ZNF324B: variants seen among roughly 807,000 people sequenced by gnomAD.
The protein encoded by ZNF324B is zinc finger protein 324B.
In ZNF324B, 7 loss-of-function variants were observed where a neutral mutation model predicts 10.6. The ratio of observed to expected loss-of-function variants is 0.66; its 90% CI spans 0.38 to 1.24. The LOEUF is 1.24. ZNF324B is among the 50% of genes most tolerant of loss of function. The pLI, the probability that ZNF324B is intolerant of heterozygous loss-of-function variation, is 0.02. For missense variants in ZNF324B, 640 were observed against 764.7 expected, an observed-to-expected ratio of 0.84 and a Z score of 1.92; for synonymous variants, 316 against 321.0, an observed-to-expected ratio of 0.98 and a Z score of 0.17.
the ZNF324B span, among the ~76,000 whole-genome samples, chr19:58,427,317 T>TTCTTTCTTTCTG: frequency 1.2e-5 from 1 of 84,958 alleles, no homozygotes; most frequent in Non-Finnish European, 2.0e-5. Context: ...CTTTCTTTCT[T>TTCTTTCTTTCTG]TCTTTCTTTC....
At chr19:58,427,383 T>TTTCTTTCTTTCCTTCC in the ZNF324B span, among the ~76,000 whole-genome samples, 1 of 47,216 alleles carries the variant, frequency 2.1e-5, no homozygotes, top group African/African-American at 1.0e-4. Context: ...TCTTTCTTTC[T>TTTCTTTCTTTCCTTCC]TTCTTTCTTT....
At chr19:58,454,496 TTAG>T (rs2052893930) in intron 3 of ZNF324B, 152 bp downstream of exon 3, 1 of 622,314 alleles carries the variant, frequency 1.6e-6, no homozygotes, top group African/African-American at 1.8e-5. Flanking sequence ...GGCTGCTGCC[TTAG>T]TAGGTGCCCT....
At chr19:58,445,636 C>CA in the ZNF324B span, 1 of 374,312 alleles carries the variant, frequency 2.7e-6, no homozygotes, top group South Asian at 2.1e-5. Context: ...GCTAACATGG[C>CA]AAACCCCCTC....
the ZNF324B span, among the ~76,000 whole-genome samples, chr19:58,439,527 G>A: frequency 6.6e-6 from 1 of 152,234 alleles, no homozygotes; most frequent in Non-Finnish European, 1.5e-5. Flanking sequence ...CCCTGGGACA[G>A]CCTTCCAGAT....
chr19:58,427,502 CTT>C, the ZNF324B span, among the ~76,000 whole-genome samples: 322 of 98,880 alleles, frequency 3.3e-3, 5 homozygotes, highest in African/African-American at 0.014. Flanking sequence ...TCCTTTCTTT[CTT>C]TTTCTTTCTT....
the ZNF324B span, chr19:58,419,262 T>G: frequency 6.6e-6 from 1 of 152,216 alleles, no homozygotes; most frequent in Non-Finnish European, 1.5e-5. Flanking sequence ...CTTCCAGCAT[T>G]GGTCAGAAGG....
Position 58,456,709 on chromosome 19 carries a change from C to G in ZNF324B, c.*130C>G. ...CTGAGAGTCAGGGACGAGGGAGACCCTTTGGCTGTGGTTCCATTTGCAGGT... is the reference window on the plus strand; with the variant it reads ...CTGAGAGTCAGGGACGAGGGAGACCGTTTGGCTGTGGTTCCATTTGCAGGT... On this transcript the variant is annotated 3_prime_UTR_variant, in exon 4 of 4. Coordinates refer to ENST00000336614, the MANE Select transcript of ZNF324B (RefSeq NM_207395.3). This position sits in a 1 kb window ranked among gnomAD's most constrained non-coding sequence, Gnocchi z 4.7. 1 of 1,216,392 alleles carries G rather than the reference C, an allele frequency of 8.2e-7. No individual in the cohort carries two copies. Among genetic ancestry groups the G allele is most frequent in the Non-Finnish European group, 1.1e-6 (1 of 891,122 alleles). 75.3% of individuals were successfully genotyped at this position (1,216,392 alleles called of 1,614,324 possible).
the ZNF324B span, chr19:58,439,742 G>T: frequency 6.6e-7 from 1 of 1,518,442 alleles, no homozygotes; most frequent in Non-Finnish European, 8.8e-7. Context: ...TGAGGGCCTG[G>T]GGCACACTCC....
At chr19:58,420,788 A>G in the ZNF324B span, among the ~76,000 whole-genome samples, 2 of 150,556 alleles carry the variant, frequency 1.3e-5, no homozygotes, top group Non-Finnish European at 3.0e-5. Flanking sequence ...GCACACTGCA[A>G]CCTCCGCCTC....
chr19:58,442,078 C>T, the ZNF324B span: 255 of 152,510 alleles, frequency 1.7e-3, no homozygotes, highest in Middle Eastern at 6.7e-3. Flanking sequence ...CTGCTGTGTC[C>T]GGAATTGTTT....
the ZNF324B span, chr19:58,430,209 A>G: frequency 6.6e-6 from 1 of 152,218 alleles, no homozygotes; most frequent in Non-Finnish European, 1.5e-5. Context: ...AATGCTGCCA[A>G]TTACATGAGT....
the ZNF324B span, chr19:58,429,498 T>G: frequency 6.6e-6 from 1 of 152,404 alleles, no homozygotes; most frequent in Admixed American, 6.5e-5. Flanking sequence ...CCTAAGTAGC[T>G]GGGACTACAG....
At chr19:58,439,943 A>G in the ZNF324B span, 1 of 1,011,614 alleles carries the variant, frequency 9.9e-7, no homozygotes, top group Non-Finnish European at 1.4e-6. Context: ...TGGGCACCGC[A>G]GGGACGAAGG....
chr19:58,451,151 A>G (rs2122335390), upstream of ZNF324B, among the ~76,000 whole-genome samples: 1 of 152,294 alleles, frequency 6.6e-6, no homozygotes, highest in South Asian at 2.1e-4. Context: ...GAGAGATCAA[A>G]CCCTCGCCCA....
chr19:58,441,354 G>A, the ZNF324B span: 1 of 152,346 alleles, frequency 6.6e-6, no homozygotes, highest in Non-Finnish European at 1.5e-5. Flanking sequence ...GTTCCAGACA[G>A]TTATGATAGT....
the ZNF324B span, chr19:58,436,962 T>C: frequency 1.9e-6 from 3 of 1,588,512 alleles, no homozygotes; most frequent in East Asian, 4.5e-5. Flanking sequence ...GTACCCATGA[T>C]CTGGCTTTGG....
the ZNF324B span, among the ~76,000 whole-genome samples, chr19:58,431,399 G>A: frequency 1.3e-5 from 2 of 152,204 alleles, no homozygotes; most frequent in African/African-American, 4.8e-5. Flanking sequence ...AGTGGCTACT[G>A]AAACTGCTGT....
the ZNF324B span, chr19:58,439,962 G>A: frequency 1.3e-6 from 1 of 758,378 alleles, no homozygotes; most frequent in Non-Finnish European, 2.1e-6. Flanking sequence ...GGCTGGGTAT[G>A]GAGACCCTGG....
upstream of ZNF324B, among the ~76,000 whole-genome samples, chr19:58,448,364 A>G (rs1322089402): frequency 6.6e-6 from 1 of 152,236 alleles, no homozygotes; most frequent in Non-Finnish European, 1.5e-5. Flanking sequence ...ATGTTTTAGC[A>G]AAGAGACTGG....
Sources: gnomAD v4.1 joint callset for allele counts (sites outside exome capture counted in the v4.1 genomes callset) on GRCh38, gnomAD v4.1.1 for gene constraint, Gnocchi (gnomAD v3.1) non-coding constraint, MANE v1.5 for transcripts, NCBI Gene and HGNC (gene_info 2026-07-23, HGNC 2026-07-21) for gene names.